Variants in PCDHGA12 observed in about 807,000 individuals in gnomAD.
The protein encoded by PCDHGA12 is protocadherin gamma-A12.
In PCDHGA12, 43 loss-of-function variants were observed where a neutral mutation model predicts 61.1. The ratio of observed to expected loss-of-function variants is 0.70; its 90% CI spans 0.55 to 0.91. The LOEUF is 0.91. Among genes scored for constraint, PCDHGA12 ranks in the 40% least tolerant of loss-of-function variants. PCDHGA12 has a pLI of 0.00. For synonymous variants in PCDHGA12, 520 were observed against 542.9 expected, an observed-to-expected ratio of 0.96 and a Z score of 0.59; for missense variants, 1,236 against 1,227.7, an observed-to-expected ratio of 1.01 and a Z score of -0.10.
chr5:141,466,518 T>C (rs1430823209), intron 1 of PCDHGA12, among the ~76,000 whole-genome samples: 2 of 152,222 alleles, frequency 1.3e-5, no homozygotes, highest in Admixed American at 6.5e-5. Flanking sequence ...TCATTTTTTT[T>C]CCTCCCAAAT....
intron 1 of PCDHGA12, among the ~76,000 whole-genome samples, chr5:141,460,307 C>A (rs1025049001): frequency 6.6e-6 from 1 of 152,102 alleles, no homozygotes; most frequent in African/African-American, 2.4e-5. Context: ...TATTCAAAAA[C>A]TCCTTGCCTA....
rs111842066 is a variant in PCDHGA12, at chr5:141,486,269, G to A, written c.2425-8538G>A. 6.2e-7 allele frequency: 1 copy of A among 1,613,996 alleles called. No homozygotes were observed. Reference sequence around the variant, plus strand: ...AACCCTCCCCGAGAGTGCAGAACCTGGCACTGTGGTGGCACTTATCAGTGT... The same window carrying A: ...AACCCTCCCCGAGAGTGCAGAACCTAGCACTGTGGTGGCACTTATCAGTGT... On this transcript the variant is annotated intron_variant, in intron 1 of 3. Transcript: ENST00000252085. This position sits in a 1 kb window ranked among gnomAD's most constrained non-coding sequence, Gnocchi z 5.0.
chr5:141,491,168 A>G lies in PCDHGA12; in HGVS notation c.2425-3639A>G. On this transcript the variant is annotated intron_variant, in intron 1 of 3. Coordinates refer to ENST00000252085, the MANE Select transcript of PCDHGA12 (RefSeq NM_003735.3). The surrounding 1 kb of genome is among the most constrained non-coding windows in gnomAD (Gnocchi z 6.9). Reference sequence around the variant, plus strand: ...CTGGAGGATGACTCTGACACCCAGCAGGTGGTGGTCCTGGTGAGGGACAAT... The same window carrying G: ...CTGGAGGATGACTCTGACACCCAGCGGGTGGTGGTCCTGGTGAGGGACAAT... 2 of 1,614,160 alleles carry G rather than the reference A, an allele frequency of 1.2e-6. No homozygotes were observed.
Position 141,489,555 on chromosome 5 carries a change from A to G in PCDHGA12, c.2425-5252A>G, listed in dbSNP as rs909307566. ...GAGCCAGCACCAGCTGCCTGCTGCC[A>G]GTGCAGGTGGTGACTGAACACCCCC... is the stretch of plus-strand genomic sequence containing the variant. On this transcript the variant is annotated intron_variant, in intron 1 of 3. Transcript: ENST00000252085. The surrounding 1 kb of genome is among the most constrained non-coding windows in gnomAD (Gnocchi z 4.5). 2.5e-6 allele frequency: 4 copies of G among 1,613,998 alleles called. No homozygotes were observed. The African/African-American group carries it at 5.3e-5, about 22-fold the overall frequency.
intron 1 of PCDHGA12, chr5:141,441,516 C>T (rs1034274864): frequency 4.0e-5 from 7 of 173,082 alleles, no homozygotes; most frequent in Non-Finnish European, 8.7e-5. Flanking sequence ...ACGTCGTCCA[C>T]GTGGCCAAGA....
chr5:141,464,725 A>G (rs538200804), intron 1 of PCDHGA12, among the ~76,000 whole-genome samples: 27 of 152,178 alleles, frequency 1.8e-4, no homozygotes, highest in African/African-American at 5.1e-4. Flanking sequence ...TCATATGTTT[A>G]AAAGCCAGTT....
intron 1 of PCDHGA12, among the ~76,000 whole-genome samples, chr5:141,494,498 C>G (rs2099754760): frequency 6.6e-6 from 1 of 152,138 alleles, no homozygotes; most frequent in African/African-American, 2.4e-5. Flanking sequence ...GCCTTCAGTC[C>G]TTGAATTTTG....
At chr5:141,482,343 A>G (rs1016179369) in intron 1 of PCDHGA12, among the ~76,000 whole-genome samples, 3 of 152,126 alleles carry the variant, frequency 2.0e-5, no homozygotes, top group Non-Finnish European at 2.9e-5. Flanking sequence ...TACTTTGCAA[A>G]CTTGTTGTGA....
In PCDHGA12 at chr5:141,432,808, C is replaced by G. The variant is rs1473886709; in HGVS notation, c.2049C>G (p.Asn683Lys). ...ADLGSLESPA[N>K]SETSDLTLYL... ...TCGGCAGCCTCGAGTCTCCAGCTAA[C>G]TCTGAAACCTCAGACCTCACTCTGT... is the stretch of plus-strand genomic sequence containing the variant. Residue 683 changes from asparagine (N) to lysine (K), a missense_variant, in exon 1 of 4, where the codon AAC becomes AAG. Asn to Lys is a moderately conservative substitution (Grantham distance 94, BLOSUM62 0). Coordinates refer to ENST00000252085, the MANE Select transcript of PCDHGA12 (RefSeq NM_003735.3). This position sits in a 1 kb window ranked among gnomAD's most constrained non-coding sequence, Gnocchi z 6.0. 2 of 1,613,486 alleles carry G rather than the reference C, an allele frequency of 1.2e-6. No individual in the cohort carries two copies. Among genetic ancestry groups the G allele is most frequent in the Non-Finnish European group, 1.7e-6 (2 of 1,180,008 alleles).
chr5:141,448,545 A>T lies in PCDHGA12; in HGVS notation c.2424+15362A>T, dbSNP rs537259621. On this transcript the variant is annotated intron_variant, in intron 1 of 3. Coordinates refer to ENST00000252085, the MANE Select transcript of PCDHGA12 (RefSeq NM_003735.3). ...AGCATCCTGTCAGCATTTCTTATGC[A>T]AATATGTACATATATTTTTATTTCC... 1.5e-4 allele frequency among the ~76,000 whole-genome samples: 23 copies of T among 152,334 alleles called. 1 individual carries two copies. The South Asian group carries it at 2.7e-3, about 18-fold the overall frequency.
In PCDHGA12 at chr5:141,432,986, G is replaced by A. The variant is rs2097557714; in HGVS notation, c.2227G>A (p.Val743Met). ...TGAPASHFVG[V>M]DGVQAFLQTY... ...AGCGCCGGCGTCGCACTTTGTGGGC[G>A]TGGACGGGGTGCAGGCTTTCCTGCA... Residue 743 changes from valine (V) to methionine (M), a missense_variant, in exon 1 of 4, where the codon GTG becomes ATG. Physicochemically the swap from Val to Met is conservative, Grantham distance 21. Transcript: ENST00000252085. This position sits in a 1 kb window ranked among gnomAD's most constrained non-coding sequence, Gnocchi z 6.0. 6 of 1,614,258 alleles carry A rather than the reference G, an allele frequency of 3.7e-6. No individual in the cohort carries two copies. In the Middle Eastern group the frequency reaches 4.9e-4, roughly 133 times the overall value.
At chr5:141,481,943 G>C (rs1454871018) in intron 1 of PCDHGA12, among the ~76,000 whole-genome samples, 1 of 148,544 alleles carries the variant, frequency 6.7e-6, no homozygotes, top group South Asian at 2.1e-4. Context: ...AAATCAGCCA[G>C]ATGTGGTGGC....
intron 2 of PCDHGA12, among the ~76,000 whole-genome samples, chr5:141,498,039 A>G (rs2099781185): frequency 6.6e-6 from 1 of 152,264 alleles, no homozygotes; most frequent in Non-Finnish European, 1.5e-5. Flanking sequence ...CCAAATAATT[A>G]CAAAAATAAA....
At chr5:141,508,193 C>T (rs1426786164) in intron 3 of PCDHGA12, 1 of 152,326 alleles carries the variant, frequency 6.6e-6, no homozygotes, top group Non-Finnish European at 1.5e-5. Flanking sequence ...ATCACCCCCA[C>T]CTCGTCCAGG....
chr5:141,477,482 C>T lies in PCDHGA12; in HGVS notation c.2425-17325C>T, dbSNP rs1168724444. The T allele has an allele frequency of 6.2e-7, 1 of 1,614,118 alleles. No individual in the cohort carries two copies. Among genetic ancestry groups the T allele is most frequent in the Non-Finnish European group, 8.5e-7 (1 of 1,180,016 alleles). ...GTCCGACATCAATGACAACCCTCCA[C>T]AATCTTCTCAATCTTCCTACGACGT... is the stretch of plus-strand genomic sequence containing the variant. On this transcript the variant is annotated intron_variant, in intron 1 of 3. Coordinates refer to ENST00000252085, the MANE Select transcript of PCDHGA12 (RefSeq NM_003735.3). This position sits in a 1 kb window ranked among gnomAD's most constrained non-coding sequence, Gnocchi z 4.9.
chr5:141,431,476 A>G lies in PCDHGA12; in HGVS notation c.717A>G (p.Ala239=), dbSNP rs975772031. 1.9e-6 allele frequency: 3 copies of G among 1,613,864 alleles called. No homozygotes were observed. Among genetic ancestry groups the G allele is most frequent in the Admixed American group, 3.3e-5 (2 of 60,032 alleles). ...RVMVLDANDN[A]PAFAQPEYRA... ...TGGTTCTGGATGCGAACGACAACGC[A>G]CCAGCGTTTGCTCAGCCCGAGTACC... Residue 239 remains alanine (A), a synonymous_variant, in exon 1 of 4, where the codon GCA becomes GCG. Coordinates refer to ENST00000252085, the MANE Select transcript of PCDHGA12 (RefSeq NM_003735.3). This position sits in a 1 kb window ranked among gnomAD's most constrained non-coding sequence, Gnocchi z 4.8.
chr5:141,457,159 T>C (rs908257499), intron 1 of PCDHGA12, among the ~76,000 whole-genome samples: 5 of 152,212 alleles, frequency 3.3e-5, no homozygotes, highest in Non-Finnish European at 7.3e-5. Flanking sequence ...GGTGCTACCA[T>C]GGATAACCCT....
rs771162532 is a variant in PCDHGA12, at chr5:141,491,756, C to A, written c.2425-3051C>A. On this transcript the variant is annotated intron_variant, in intron 1 of 3. Transcript: ENST00000252085. The surrounding 1 kb of genome is among the most constrained non-coding windows in gnomAD (Gnocchi z 6.9). ...CCTGGGGGCGGCACTGGAGAAGCCGCCCGTCCTCATAAGGGATTGAACTTG... is the reference window on the plus strand; with the variant it reads ...CCTGGGGGCGGCACTGGAGAAGCCGACCGTCCTCATAAGGGATTGAACTTG... The A allele has an allele frequency of 6.3e-7, 1 of 1,581,720 alleles. No individual in the cohort carries two copies. Among genetic ancestry groups the A allele is most frequent in the Middle Eastern group, 1.7e-4 (1 of 5,958 alleles).
intron 2 of PCDHGA12, among the ~76,000 whole-genome samples, chr5:141,502,845 T>G (rs2099816267): frequency 6.8e-6 from 1 of 147,606 alleles, no homozygotes; most frequent in South Asian, 2.1e-4. Context: ...CTGGCTGAGC[T>G]GCCTAACCCT....
Sources: allele counts gnomAD v4.1 joint callset (sites outside exome capture counted in the v4.1 genomes callset), GRCh38; gene constraint gnomAD v4.1.1; non-coding constraint Gnocchi (gnomAD v3.1); transcripts MANE v1.5; gene names NCBI Gene and HGNC (gene_info 2026-07-23, HGNC 2026-07-21).